ACTG2: variants seen among roughly 807,000 people sequenced by gnomAD.
The protein encoded by ACTG2 is actin gamma 2, smooth muscle.
In ACTG2, 16 loss-of-function variants were observed where a neutral mutation model predicts 37.6. The ratio of observed to expected loss-of-function variants is 0.43; its 90% CI spans 0.29 to 0.65. The LOEUF (loss-of-function observed/expected upper bound fraction) is 0.65, where lower values mean the gene tolerates loss of function less well. Among genes scored for constraint, ACTG2 ranks in the 30% least tolerant of loss-of-function variants. The probability of loss-of-function intolerance (pLI) is 0.18; values close to 1 mark genes in which losing one functional copy is unlikely to be tolerated. For synonymous variants in ACTG2, 181 were observed against 179.9 expected, an observed-to-expected ratio of 1.01 and a Z score of -0.05; for missense variants, 238 against 490.9, an observed-to-expected ratio of 0.48 and a Z score of 4.87.
At chr2:73,903,116 G>C (rs1006325852) in intron 3 of ACTG2, 3 of 170,806 alleles carry the variant, frequency 1.8e-5, no homozygotes, top group Non-Finnish European at 2.5e-5. Context: ...TGTGGGGGGA[G>C]CGGGATTTTT....
At chr2:73,896,667 G>A (rs1679754311) in intron 1 of ACTG2, 1 of 152,184 alleles carries the variant, frequency 6.6e-6, no homozygotes, top group African/African-American at 2.4e-5. Flanking sequence ...CCTCACATTG[G>A]GTTTGAGGTG....
intron 3 of ACTG2, among the ~76,000 whole-genome samples, chr2:73,904,590 G>A (rs1424426288): frequency 6.6e-6 from 1 of 151,554 alleles, no homozygotes; most frequent in East Asian, 1.9e-4. Context: ...CTTGGGAGGT[G>A]GAGGTTTCAG....
In ACTG2 at chr2:73,896,050, T is replaced by C. The variant is rs1356034025; in HGVS notation, c.-37+2999T>C. Among the ~76,000 whole-genome samples the C allele has an allele frequency of 2.0e-5, 3 of 152,342 alleles. No homozygotes were observed. In the East Asian group the frequency reaches 5.8e-4, roughly 29 times the overall value. ...CTTTTTTCTCAACCGTTTGAAAATG[T>C]AGGGCCGGGTGCAGTGCTTGCACCT... On this transcript the variant is annotated intron_variant, in intron 1 of 8. Coordinates refer to ENST00000345517, the MANE Select transcript of ACTG2 (RefSeq NM_001615.4).
chr2:73,898,549 G>T (rs1216877517), intron 1 of ACTG2, among the ~76,000 whole-genome samples: 1 of 150,538 alleles, frequency 6.6e-6, no homozygotes, highest in East Asian at 1.9e-4. Context: ...CACAAAGATA[G>T]ATTCGTAGAA....
At chr2:73,905,563 T>C (rs867857002) in intron 3 of ACTG2, among the ~76,000 whole-genome samples, 10 of 152,226 alleles carry the variant, frequency 6.6e-5, no homozygotes, top group African/African-American at 2.2e-4. Context: ...AACAAAAAAA[T>C]TGAAGTAAAA....
At chr2:73,905,789 C>G (rs957634700) in intron 3 of ACTG2, among the ~76,000 whole-genome samples, 3 of 152,048 alleles carry the variant, frequency 2.0e-5, no homozygotes, top group Admixed American at 6.5e-5. Context: ...GGAAAACATC[C>G]TGAATACAAA....
At chr2:73,897,257 G>C (rs1233497532) in intron 1 of ACTG2, 1 of 152,292 alleles carries the variant, frequency 6.6e-6, no homozygotes, top group Non-Finnish European at 1.5e-5. Context: ...GGAAACACCG[G>C]AGAGAGTTTG....
At position 73,908,963 on chromosome 2, in the gene ACTG2, T is replaced by G; in HGVS notation, c.367-92T>G. 7 of 1,371,566 alleles carry G rather than the reference T, an allele frequency of 5.1e-6. No individual in the cohort carries two copies. The South Asian group carries it at 8.3e-5, about 16-fold the overall frequency. The allele number at this position is 1,371,566 out of a possible 1,614,324, so 85.0% of individuals were successfully genotyped here. On this transcript the variant is annotated intron_variant, in intron 4 of 8. Coordinates refer to ENST00000345517, the MANE Select transcript of ACTG2 (RefSeq NM_001615.4). ...TAATGAACTATCAAACTGGCATAGT[T>G]CCTGCCCTTAATGAGATTACAAACC...
At chr2:73,914,331 G>A (rs180694022) in intron 6 of ACTG2, among the ~76,000 whole-genome samples, 84 of 152,224 alleles carry the variant, frequency 5.5e-4, no homozygotes, top group African/African-American at 1.9e-3. Flanking sequence ...AGGCCAAGCA[G>A]GCAGATCACT....
chr2:73,912,893 C>CG (rs1164307797), intron 5 of ACTG2, among the ~76,000 whole-genome samples: 3 of 152,168 alleles, frequency 2.0e-5, no homozygotes, highest in African/African-American at 7.2e-5. Flanking sequence ...TGAGGCTGGA[C>CG]GCAGTGGCAC....
chr2:73,908,202 G>C, intron 3 of ACTG2: 1 of 457,418 alleles, frequency 2.2e-6, no homozygotes, highest in South Asian at 1.6e-5. Context: ...CTCTGAAAGA[G>C]GGGCTGCCCA....
chr2:73,901,135 T>G, intron 1 of ACTG2, 141 bp from the exon 2 acceptor site: 2 of 605,842 alleles, frequency 3.3e-6, no homozygotes, highest in African/African-American at 1.9e-5. Context: ...CAACTGCCAG[T>G]GAGTGGGAGG....
At chr2:73,893,611 C>A (rs1679677691) in intron 1 of ACTG2, among the ~76,000 whole-genome samples, 2 of 152,080 alleles carry the variant, frequency 1.3e-5, no homozygotes, top group African/African-American at 2.4e-5. Flanking sequence ...CTTGAAGGCT[C>A]TAGGATCATT....
intron 6 of ACTG2, 43 bp from the exon 7 acceptor site, chr2:73,914,637 T>C: frequency 7.0e-7 from 1 of 1,425,658 alleles, no homozygotes; most frequent in Non-Finnish European, 9.3e-7. Context: ...AACCAAACTA[T>C]CAGAGCTCAG....
At chr2:73,916,869 C>A in intron 8 of ACTG2, 104 bp downstream of exon 8, 1 of 1,348,352 alleles carries the variant, frequency 7.4e-7, no homozygotes, top group South Asian at 1.4e-5. Flanking sequence ...TTGCTGGTCT[C>A]CTGGGTTCAA....
At position 73,914,708 on chromosome 2, in the gene ACTG2, G is replaced by A. The variant is rs964154418; in HGVS notation, c.642G>A (p.Lys214=). The stretch of plus-strand genomic sequence containing the variant: ...AGAGAGAAATTGTGCGAGACATCAA[G>A]GAGAAGCTGTGCTATGTGGCCCTGG... ...TAEREIVRDI[K]EKLCYVALDF... is the part of the protein sequence containing the mutation. Residue 214 remains lysine, a synonymous_variant, in exon 7 of 9, where the codon AAG becomes AAA. Transcript: ENST00000345517. 5.0e-6 allele frequency: 8 copies of A among 1,601,372 alleles called. 1 individual carries two copies. The highest frequency in any genetic ancestry group is 3.4e-4 in the Middle Eastern group (2 of 5,948).
At chr2:73,904,248 C>CAAAAAAAA (rs61261289) in intron 3 of ACTG2, among the ~76,000 whole-genome samples, 17 of 65,208 alleles carry the variant, frequency 2.6e-4, no homozygotes, top group Admixed American at 6.6e-4. Flanking sequence ...GACCATGTCT[C>CAAAAAAAA]AAAAAAAAAA....
At chr2:73,913,432 C>A in intron 5 of ACTG2, 53 bp from the exon 6 acceptor site, 1 of 1,500,454 alleles carries the variant, frequency 6.7e-7, no homozygotes, top group Non-Finnish European at 9.0e-7. Context: ...TAGAAAGAGA[C>A]TGATGAAAGG....
At chr2:73,903,926 T>A (rs188973651) in intron 3 of ACTG2, among the ~76,000 whole-genome samples, 112 of 112,934 alleles carry the variant, frequency 9.9e-4, no homozygotes, top group Middle Eastern at 9.1e-3. Context: ...GGTGACAGAG[T>A]GAGACTCCGT....
Sources: gnomAD v4.1 joint callset for allele counts (sites outside exome capture counted in the v4.1 genomes callset) on GRCh38, gnomAD v4.1.1 for gene constraint, MANE v1.5 for transcripts, NCBI Gene and HGNC (gene_info 2026-07-23, HGNC 2026-07-21) for gene names.